The following B3GALT1 variants were observed in gnomAD, a reference collection of about 807,000 sequenced individuals.
B3GALT1 encodes beta-1,3-galactosyltransferase 1, also known as UDP-Gal:betaGlcNAc beta 1,3-galactosyltransferase, polypeptide 1.
A neutral mutation model predicts 23.2 loss-of-function variants in B3GALT1; 10 were observed. That is an observed-to-expected ratio of 0.43 (90% CI 0.27 to 0.73). B3GALT1 has a LOEUF of 0.73. Ranked by LOEUF, B3GALT1 falls within the 30% of genes least tolerant of loss-of-function variation. The pLI, the probability that B3GALT1 is intolerant of heterozygous loss-of-function variation, is 0.21. For missense variants in B3GALT1, 299 were observed against 405.4 expected, an observed-to-expected ratio of 0.74 and a Z score of 2.25; for synonymous variants, 156 against 141.5, an observed-to-expected ratio of 1.10 and a Z score of -0.73.
chr2:167,306,585 A>G (rs769108302), intron 1 of B3GALT1, among the ~76,000 whole-genome samples: 1 of 152,034 alleles, frequency 6.6e-6, no homozygotes, highest in Non-Finnish European at 1.5e-5. Context: ...ACTATTCAGT[A>G]GTGTGAGATT....
intron 3 of B3GALT1, among the ~76,000 whole-genome samples, chr2:167,765,891 G>T (rs1438819634): frequency 2.6e-5 from 4 of 152,214 alleles, no homozygotes; most frequent in African/African-American, 9.6e-5. Flanking sequence ...CCTGGCTAAG[G>T]ATCTTCCAAA....
intron 3 of B3GALT1, among the ~76,000 whole-genome samples, chr2:167,666,732 G>A (rs1226463908): frequency 6.6e-6 from 1 of 152,020 alleles, no homozygotes; most frequent in Non-Finnish European, 1.5e-5. Flanking sequence ...TTTTATCTTT[G>A]TTGGTTTAAA....
At chr2:167,312,757 T>C (rs1424388598) in intron 1 of B3GALT1, among the ~76,000 whole-genome samples, 1 of 152,092 alleles carries the variant, frequency 6.6e-6, no homozygotes, top group Non-Finnish European at 1.5e-5. Flanking sequence ...TGGGAAAAAC[T>C]ATCACTCTTC....
At chr2:167,836,572 G>T (rs987778271) in intron 4 of B3GALT1, among the ~76,000 whole-genome samples, 9 of 152,148 alleles carry the variant, frequency 5.9e-5, no homozygotes, top group East Asian at 1.9e-4. Context: ...GAAAGTGATG[G>T]GGAGAATGGA....
chr2:167,552,236 C>A (rs1683761797), intron 2 of B3GALT1, among the ~76,000 whole-genome samples: 1 of 152,102 alleles, frequency 6.6e-6, no homozygotes, highest in African/African-American at 2.4e-5. Flanking sequence ...TTTGTTAATA[C>A]CAATGATTCC....
intron 2 of B3GALT1, among the ~76,000 whole-genome samples, chr2:167,507,504 CAAAAAAAAA>C (rs60408245): frequency 6.0e-4 from 16 of 26,612 alleles, no homozygotes; most frequent in Admixed American, 1.0e-3. Context: ...GACTCCGTCT[CAAAAAAAAA>C]AAAAAAAAAA....
chr2:167,761,984 C>T (rs1364080229), intron 3 of B3GALT1, among the ~76,000 whole-genome samples: 1 of 152,140 alleles, frequency 6.6e-6, no homozygotes, highest in South Asian at 2.1e-4. Flanking sequence ...ATTAGTCAAA[C>T]TAAGTTGGAA....
At chr2:167,523,102 C>T (rs755227029) in intron 2 of B3GALT1, among the ~76,000 whole-genome samples, 1 of 152,136 alleles carries the variant, frequency 6.6e-6, no homozygotes, top group Non-Finnish European at 1.5e-5. Context: ...CACCCATCCT[C>T]CACACCTCTT....
At chr2:167,558,997 A>C (rs1468292958) in intron 2 of B3GALT1, among the ~76,000 whole-genome samples, 3 of 152,342 alleles carry the variant, frequency 2.0e-5, no homozygotes, top group Non-Finnish European at 4.4e-5. Context: ...GAACGGGCAG[A>C]CTGCCTCCTC....
intron 1 of B3GALT1, among the ~76,000 whole-genome samples, chr2:167,328,368 C>A (rs911248722): frequency 6.6e-6 from 1 of 152,078 alleles, no homozygotes; most frequent in African/African-American, 2.4e-5. Flanking sequence ...TTCTTTGTTG[C>A]AAGACTTTAT....
At position 167,513,146 on chromosome 2, in the gene B3GALT1, A is replaced by G. The variant is rs549674106; in HGVS notation, c.-410+22869A>G. Reference sequence around the variant, plus strand: ...TACTTACAGAAAATTTGGGGGACTCAGGGAAGTTAAATGACACATGAAGAA... The same window carrying G: ...TACTTACAGAAAATTTGGGGGACTCGGGGAAGTTAAATGACACATGAAGAA... On this transcript the variant is annotated intron_variant, in intron 2 of 4. Transcript: ENST00000392690. Among the ~76,000 whole-genome samples the G allele has an allele frequency of 2.8e-4, 42 of 151,164 alleles. 1 individual carries two copies. The highest frequency in any genetic ancestry group is 8.5e-4 in the African/African-American group (35 of 41,296).
At chr2:167,715,638 C>T in intron 3 of B3GALT1, 1 of 1,613,830 alleles carries the variant, frequency 6.2e-7, no homozygotes, top group Non-Finnish European at 8.5e-7. Context: ...AGGATTTCAT[C>T]CTCAAGTTCA....
intron 3 of B3GALT1, among the ~76,000 whole-genome samples, chr2:167,736,184 C>T (rs543862375): frequency 6.6e-6 from 1 of 152,232 alleles, no homozygotes; most frequent in Non-Finnish European, 1.5e-5. Flanking sequence ...CACTATATAA[C>T]CATGTCTCTT....
chr2:167,392,371 T>A (rs1316113077), intron 1 of B3GALT1, among the ~76,000 whole-genome samples: 1 of 152,100 alleles, frequency 6.6e-6, no homozygotes, highest in African/African-American at 2.4e-5. Flanking sequence ...CCTGTTGATT[T>A]GGTTCTTTTA....
At position 167,790,838 on chromosome 2, in the gene B3GALT1, T is replaced by C. The variant is rs138107124; in HGVS notation, c.-351-27834T>C. 3.5e-3 allele frequency among the ~76,000 whole-genome samples: 533 copies of C among 152,348 alleles called. 1 individual carries two copies. Among genetic ancestry groups the C allele is most frequent in the African/African-American group, 0.012 (501 of 41,584 alleles). ...TTAATATCAATTTTGCACCTTTTAA[T>C]GGCTGTTCCCTAAGCTACAAAAACA... On this transcript the variant is annotated intron_variant, in intron 3 of 4. Coordinates refer to ENST00000392690, the MANE Select transcript of B3GALT1 (RefSeq NM_020981.4).
chr2:167,448,397 C>T (rs1247686497), intron 1 of B3GALT1, among the ~76,000 whole-genome samples: 1 of 151,878 alleles, frequency 6.6e-6, no homozygotes, highest in Non-Finnish European at 1.5e-5. Flanking sequence ...GTTTGTTGTA[C>T]ATTTGTATAT....
chr2:167,655,875 G>A (rs1685947549), intron 3 of B3GALT1, among the ~76,000 whole-genome samples: 1 of 152,132 alleles, frequency 6.6e-6, no homozygotes, highest in Non-Finnish European at 1.5e-5. Flanking sequence ...CTGATCAAAT[G>A]TCAGCAAACT....
intron 3 of B3GALT1, among the ~76,000 whole-genome samples, chr2:167,749,024 A>G (rs1687693670): frequency 6.6e-6 from 1 of 152,170 alleles, no homozygotes; most frequent in South Asian, 2.1e-4. Flanking sequence ...TAAATAAAAA[A>G]CAGACAAGCC....
At chr2:167,854,919 G>T (rs1689970512) in intron 4 of B3GALT1, among the ~76,000 whole-genome samples, 1 of 152,162 alleles carries the variant, frequency 6.6e-6, no homozygotes, top group South Asian at 2.1e-4. Flanking sequence ...GAGATGAGCA[G>T]CTCACCTGTC....
Sources: gnomAD v4.1 joint callset for allele counts (sites outside exome capture counted in the v4.1 genomes callset) on GRCh38, gnomAD v4.1.1 for gene constraint, MANE v1.5 for transcripts, NCBI Gene and HGNC (gene_info 2026-07-23, HGNC 2026-07-21) for gene names.